GABRA5: variants seen among roughly 807,000 people sequenced by gnomAD.
GABRA5 encodes gamma-aminobutyric acid type A receptor subunit alpha5, also known as gamma-aminobutyric acid receptor subunit alpha-5.
A neutral mutation model predicts 47.3 loss-of-function variants in GABRA5; 18 were observed. The observed-to-expected ratio is 0.38, with a 90% CI of 0.26 to 0.56. GABRA5 has a LOEUF of 0.56. GABRA5 is among the 20% of genes least tolerant of loss of function. The probability of loss-of-function intolerance (pLI) is 0.71; values close to 1 mark genes in which losing one functional copy is unlikely to be tolerated. For missense variants in GABRA5, 365 were observed against 599.3 expected, an observed-to-expected ratio of 0.61 and a Z score of 4.08; for synonymous variants, 237 against 229.3, an observed-to-expected ratio of 1.03 and a Z score of -0.30.
At chr15:26,923,979 G>A (rs1324190083) in intron 7 of GABRA5, among the ~76,000 whole-genome samples, 1 of 151,730 alleles carries the variant, frequency 6.6e-6, no homozygotes, top group Non-Finnish European at 1.5e-5. Flanking sequence ...TTACCAGCAT[G>A]TTTGTACTTG....
rs377500072 is a variant in GABRA5, at chr15:26,883,104, G to A, written c.209-62G>A. ...ACCCTGGTTACTGGACTGAGAGCAC[G>A]AGAGTGTGCCAGACGCGCAGGGTGG... On this transcript the variant is annotated intron_variant, in intron 4 of 10. Transcript: ENST00000335625. This position sits in a 1 kb window ranked among gnomAD's most constrained non-coding sequence, Gnocchi z 4.8. The A allele has an allele frequency of 1.6e-4, 218 of 1,358,242 alleles. No individual in the cohort carries two copies. Among genetic ancestry groups the A allele is most frequent in the Non-Finnish European group, 2.1e-4 (200 of 946,714 alleles). The allele number at this position is 1,358,242 out of a possible 1,614,324, so 84.1% of individuals were successfully genotyped here.
intron 6 of GABRA5, among the ~76,000 whole-genome samples, chr15:26,911,389 A>ACG (rs1055993063): frequency 7.4e-6 from 1 of 134,610 alleles, no homozygotes; most frequent in Non-Finnish European, 1.6e-5. Flanking sequence ...ACACACACAC[A>ACG]CACACACAAA....
At chr15:26,886,230 G>A (rs1411362563) in intron 6 of GABRA5, among the ~76,000 whole-genome samples, 1 of 152,054 alleles carries the variant, frequency 6.6e-6, no homozygotes, top group Non-Finnish European at 1.5e-5. Flanking sequence ...ACATTGGCCA[G>A]GCTGGTATTG....
chr15:26,904,256 G>C (rs1313162325), intron 6 of GABRA5, among the ~76,000 whole-genome samples: 1 of 151,940 alleles, frequency 6.6e-6, no homozygotes, highest in Non-Finnish European at 1.5e-5. Context: ...CAGTTGTATT[G>C]AAAATCAGAT....
intron 8 of GABRA5, 68 bp from the exon 9 acceptor site, chr15:26,939,857 G>A: frequency 6.5e-7 from 1 of 1,547,074 alleles, no homozygotes; most frequent in South Asian, 1.1e-5. Context: ...GAGGCTCCTG[G>A]TGAACTCCTT....
At chr15:26,915,542 C>A (rs1488041373) in intron 7 of GABRA5, among the ~76,000 whole-genome samples, 1 of 152,112 alleles carries the variant, frequency 6.6e-6, no homozygotes, top group Non-Finnish European at 1.5e-5. Flanking sequence ...AAAATGTAAT[C>A]CATTTTCTTT....
intron 6 of GABRA5, among the ~76,000 whole-genome samples, chr15:26,887,585 C>CTCGGCCTCCACCCACA (rs908022620): frequency 6.6e-6 from 1 of 152,168 alleles, no homozygotes; most frequent in East Asian, 1.9e-4. Context: ...CTCCACCCAC[C>CTCGGCCTCCACCCACA]TCGGCCTCCA....
chr15:26,875,540 G>C (rs929169489), intron 3 of GABRA5, among the ~76,000 whole-genome samples: 1 of 152,188 alleles, frequency 6.6e-6, no homozygotes, highest in African/African-American at 2.4e-5. Flanking sequence ...AGAGATGCTT[G>C]AGCAGAGATC....
intron 4 of GABRA5, 103 bp downstream of exon 4, chr15:26,881,070 T>A: frequency 7.6e-7 from 1 of 1,317,744 alleles, no homozygotes; most frequent in Non-Finnish European, 1.0e-6. Context: ...CTAAAAGAGC[T>A]TCCCTGCCAG....
intron 7 of GABRA5, among the ~76,000 whole-genome samples, chr15:26,927,735 A>G (rs1893995377): frequency 6.6e-6 from 1 of 152,258 alleles, no homozygotes; most frequent in Non-Finnish European, 1.5e-5. Flanking sequence ...GCATCTGAGC[A>G]TGCAGAGGCT....
intron 6 of GABRA5, among the ~76,000 whole-genome samples, chr15:26,896,830 A>G (rs2094653087): frequency 1.3e-5 from 2 of 152,168 alleles, no homozygotes; most frequent in South Asian, 4.1e-4. Flanking sequence ...GTGATTGAGC[A>G]AGTATCTATA....
intron 6 of GABRA5, among the ~76,000 whole-genome samples, chr15:26,907,079 G>A (rs1051001705): frequency 5.3e-5 from 8 of 152,184 alleles, no homozygotes; most frequent in African/African-American, 9.7e-5. Flanking sequence ...TTGGTCTCAT[G>A]TACCTCCTTA....
chr15:26,912,647 T>TG (rs1893624492), intron 6 of GABRA5, among the ~76,000 whole-genome samples: 1 of 152,176 alleles, frequency 6.6e-6, no homozygotes, highest in South Asian at 2.1e-4. Flanking sequence ...TACACATGGA[T>TG]GCTAGAATCA....
intron 7 of GABRA5, among the ~76,000 whole-genome samples, chr15:26,933,453 T>G (rs960171939): frequency 1.3e-5 from 2 of 152,220 alleles, no homozygotes; most frequent in Non-Finnish European, 2.9e-5. Flanking sequence ...GATTTCTTCC[T>G]AAACACGGCT....
chr15:26,917,132 G>A (rs1893734888), intron 7 of GABRA5, among the ~76,000 whole-genome samples: 2 of 151,948 alleles, frequency 1.3e-5, no homozygotes, highest in South Asian at 4.2e-4. Context: ...AATGGTGGGT[G>A]GGTATCTTTG....
chr15:26,916,938 GA>G (rs2140296580), intron 7 of GABRA5, among the ~76,000 whole-genome samples: 1 of 152,164 alleles, frequency 6.6e-6, no homozygotes, highest in East Asian at 1.9e-4. Context: ...AAACTTTAAT[GA>G]ATTTATTGAT....
intron 6 of GABRA5, among the ~76,000 whole-genome samples, chr15:26,911,314 A>G (rs1204634950): frequency 1.3e-5 from 2 of 151,840 alleles, no homozygotes; most frequent in African/African-American, 4.8e-5. Flanking sequence ...TTTTAGATCC[A>G]GCTAAATGCT....
intron 6 of GABRA5, among the ~76,000 whole-genome samples, chr15:26,890,688 T>A (rs1892985094): frequency 6.6e-6 from 1 of 152,122 alleles, no homozygotes; most frequent in East Asian, 1.9e-4. Flanking sequence ...AGTTCTGTGT[T>A]CCCCACAGAG....
chr15:26,929,351 G>A (rs1894036765), intron 7 of GABRA5, among the ~76,000 whole-genome samples: 1 of 152,186 alleles, frequency 6.6e-6, no homozygotes, highest in Admixed American at 6.5e-5. Context: ...ACCGAGCGGG[G>A]CAAGTTCCAT....
Sources: allele counts gnomAD v4.1 joint callset (sites outside exome capture counted in the v4.1 genomes callset), GRCh38; gene constraint gnomAD v4.1.1; non-coding constraint Gnocchi (gnomAD v3.1); transcripts MANE v1.5; gene names NCBI Gene and HGNC (gene_info 2026-07-23, HGNC 2026-07-21).